NPFFR2: variants seen among roughly 807,000 people sequenced by gnomAD.
The protein encoded by NPFFR2 is neuropeptide FF receptor 2, also known as G-protein coupled receptor 74.
In NPFFR2, 15 loss-of-function variants were observed where a neutral mutation model predicts 13.1. That is an observed-to-expected ratio of 1.15 (90% confidence interval 0.77 to 1.76). The LOEUF is 1.76. NPFFR2 is among the 40% of genes most tolerant of loss of function. The pLI, the probability that NPFFR2 is intolerant of heterozygous loss-of-function variation, is 0.00. For missense variants in NPFFR2, 572 were observed against 503.5 expected (o/e 1.14, Z -1.30); for synonymous variants, 190 against 175.7 (o/e 1.08, Z -0.65).
chr4:72,123,763 TTAAAA>T (rs1443298506), intron 1 of NPFFR2, among the ~76,000 whole-genome samples: 1 of 152,222 alleles, frequency 6.6e-6, no homozygotes, highest in Non-Finnish European at 1.5e-5. Flanking sequence ...GGAATGTATC[TTAAAA>T]TAATAAGAGC....
At chr4:72,123,023 GAA>G (rs967554713) in intron 1 of NPFFR2, among the ~76,000 whole-genome samples, 1 of 151,914 alleles carries the variant, frequency 6.6e-6, no homozygotes, top group Admixed American at 6.6e-5. Flanking sequence ...TAATAAAGAA[GAA>G]AAGAGAGAAG....
intron 1 of NPFFR2, among the ~76,000 whole-genome samples, chr4:72,099,967 G>A (rs969369223): frequency 7.2e-5 from 11 of 151,972 alleles, no homozygotes; most frequent in Admixed American, 2.0e-4. Context: ...TGTACCTTCA[G>A]ACATATGGGA....
At chr4:72,133,085 G>C (rs1029660296) in intron 2 of NPFFR2, among the ~76,000 whole-genome samples, 4 of 152,022 alleles carry the variant, frequency 2.6e-5, no homozygotes, top group Non-Finnish European at 5.9e-5. Flanking sequence ...CTGTTCCTAT[G>C]TCCAGAATGG....
Position 72,032,048 on chromosome 4 carries a change from G to C in NPFFR2, c.-160G>C. On this transcript the variant is annotated 5_prime_UTR_variant, in exon 1 of 4. Transcript: ENST00000308744. ...GGCCAGCCTGGAGCGGAAGCCTGGA[G>C]TGGAGCAGGCAGTCCGCGGGGGACA... The C allele has an allele frequency of 6.2e-7, 1 of 1,614,136 alleles. No individual in the cohort carries two copies. Among genetic ancestry groups the C allele is most frequent in the Non-Finnish European group, 8.5e-7 (1 of 1,180,004 alleles).
At chr4:72,103,279 T>G (rs970119018) in intron 1 of NPFFR2, among the ~76,000 whole-genome samples, 1 of 152,148 alleles carries the variant, frequency 6.6e-6, no homozygotes, top group Non-Finnish European at 1.5e-5. Flanking sequence ...GTTGGAAACT[T>G]AATCCCCAAT....
At chr4:72,142,713 G>T (rs773384978) in intron 3 of NPFFR2, among the ~76,000 whole-genome samples, 1 of 152,070 alleles carries the variant, frequency 6.6e-6, no homozygotes, top group Admixed American at 6.5e-5. Flanking sequence ...CAATATAGAC[G>T]TTTCTAACAG....
chr4:72,108,451 C>T (rs1259660938), intron 1 of NPFFR2, among the ~76,000 whole-genome samples: 1 of 151,968 alleles, frequency 6.6e-6, no homozygotes, highest in Non-Finnish European at 1.5e-5. Flanking sequence ...GCTTTAACAG[C>T]ATCTACCAAT....
intron 1 of NPFFR2, among the ~76,000 whole-genome samples, chr4:72,066,232 A>G (rs1007592613): frequency 2.0e-5 from 3 of 152,076 alleles, no homozygotes; most frequent in African/African-American, 7.2e-5. Flanking sequence ...AAGAGGGCCA[A>G]ACACCTAGTG....
intron 1 of NPFFR2, among the ~76,000 whole-genome samples, chr4:72,079,163 C>T (rs1017578109): frequency 2.6e-5 from 4 of 151,384 alleles, no homozygotes; most frequent in South Asian, 2.1e-4. Context: ...ACTGTAGTTA[C>T]GCAGGATGTT....
In NPFFR2 at chr4:72,047,348, G is replaced by C. The variant is rs140080747; in HGVS notation, c.-8+15148G>C. The stretch of plus-strand genomic sequence containing the variant: ...GGTTGCCCCTTCCATTATAGGCCCA[G>C]AGCTGTAGGAGGGCAGAATGGTTTC... On this transcript the variant is annotated intron_variant, in intron 1 of 3. Transcript: ENST00000308744. Among the ~76,000 whole-genome samples, 859 of 152,230 alleles carry C rather than the reference G, an allele frequency of 5.6e-3. 6 individuals carry two copies. The highest frequency in any genetic ancestry group is 0.02 in the African/African-American group (826 of 41,540).
chr4:72,111,260 C>A (rs72856199), intron 1 of NPFFR2, among the ~76,000 whole-genome samples: 5,190 of 152,076 alleles, frequency 0.034, 284 homozygotes, highest in African/African-American at 0.12. Flanking sequence ...ATCAATTGTG[C>A]AGGCAAATTC....
rs1479818631 is a variant in NPFFR2, at chr4:72,128,564, TTC to T, written c.-7-19_-7-18del. The T allele has an allele frequency of 6.8e-7, 1 of 1,478,456 alleles. No individual in the cohort carries two copies. Among genetic ancestry groups the T allele is most frequent in the Non-Finnish European group, 9.2e-7 (1 of 1,085,494 alleles). 91.6% of individuals were successfully genotyped at this position (1,478,456 alleles called of 1,614,324 possible). A position where few individuals can be genotyped will look rare whatever the true frequency, so the allele number is the denominator to read the frequency against. On this transcript the variant is annotated intron_variant, in intron 1 of 3. Coordinates refer to ENST00000308744, the MANE Select transcript of NPFFR2 (RefSeq NM_004885.3). ...ACTGGTTCCTAATTATGTTTTTCTT[TTC>T]TGTCTCTTCTTTATTAAGGTTCATC...
intron 1 of NPFFR2, among the ~76,000 whole-genome samples, chr4:72,078,718 C>T (rs1251358325): frequency 2.6e-5 from 4 of 152,048 alleles, no homozygotes; most frequent in Non-Finnish European, 5.9e-5. Flanking sequence ...TTGACACATA[C>T]ATCAGTGAAA....
At chr4:72,099,076 T>C (rs149388393) in intron 1 of NPFFR2, among the ~76,000 whole-genome samples, 4 of 152,218 alleles carry the variant, frequency 2.6e-5, no homozygotes, top group Admixed American at 6.6e-5. Context: ...AATTTACTTA[T>C]ATAATACTTC....
chr4:72,088,272 G>A (rs1294859753), intron 1 of NPFFR2, among the ~76,000 whole-genome samples: 1 of 151,964 alleles, frequency 6.6e-6, no homozygotes, highest in Non-Finnish European at 1.5e-5. Context: ...GAACTATGTT[G>A]CGTATTTATT....
At chr4:72,095,982 A>T (rs1399588222) in intron 1 of NPFFR2, among the ~76,000 whole-genome samples, 1 of 152,130 alleles carries the variant, frequency 6.6e-6, no homozygotes, top group Non-Finnish European at 1.5e-5. Context: ...AATTGTTTCA[A>T]TATATTTTGT....
rs957153625 is a variant in NPFFR2 at position 72,148,072 on chromosome 4, C to G, written c.*260C>G. 7 of 343,912 alleles carry G rather than the reference C, an allele frequency of 2.0e-5. No individual in the cohort carries two copies. The highest frequency in any genetic ancestry group is 8.0e-4 in the Middle Eastern group (1 of 1,250). 21.3% of individuals were successfully genotyped at this position (343,912 alleles called of 1,614,324 possible). ...TTCTAGAGAACAGTTTACAAAGCCT[C>G]ATCTTTCCAAACTTAACCATTTGTG... On this transcript the variant is annotated 3_prime_UTR_variant, in exon 4 of 4. Coordinates refer to ENST00000308744, the MANE Select transcript of NPFFR2 (RefSeq NM_004885.3).
rs372918011 is a variant in NPFFR2 at position 72,068,871 on chromosome 4, G to T, written c.-8+36671G>T. The T allele has an allele frequency of 9.6e-4, 425 of 442,518 alleles. 7 individuals are homozygous for T. The highest frequency in any genetic ancestry group is 8.4e-3 in the African/African-American group (381 of 45,566). 27.4% of individuals were successfully genotyped at this position (442,518 alleles called of 1,614,324 possible). A position where few individuals can be genotyped will look rare whatever the true frequency, so the allele number is the denominator to read the frequency against. ...TTTTTTTTATCTTATCTTTTTTCCT[G>T]CATGGCTCTAGACACATATGGTTTG... On this transcript the variant is annotated intron_variant, in intron 1 of 3. Transcript: ENST00000308744.
At chr4:72,037,421 A>G (rs63559760) in intron 1 of NPFFR2, among the ~76,000 whole-genome samples, 5 of 134,390 alleles carry the variant, frequency 3.7e-5, no homozygotes, top group South Asian at 2.5e-4. Context: ...AAAAAAAAAA[A>G]GGACCTCATT....
Sources: allele counts gnomAD v4.1 joint callset (sites outside exome capture counted in the v4.1 genomes callset), GRCh38; gene constraint gnomAD v4.1.1; transcripts MANE v1.5; gene names NCBI Gene and HGNC (gene_info 2026-07-23, HGNC 2026-07-21).